TLL1: variants seen among roughly 807,000 people sequenced by gnomAD.
TLL1 encodes tolloid like 1, also known as tolloid-like protein 1.
TLL1 carries 49 observed loss-of-function variants against 128.2 expected under a neutral mutation model. That is an observed-to-expected ratio of 0.38 (90% CI 0.30 to 0.48). The LOEUF (loss-of-function observed/expected upper bound fraction) is 0.48. Among genes scored for constraint, TLL1 ranks in the 20% least tolerant of loss-of-function variants. The pLI, the probability that TLL1 is intolerant of heterozygous loss-of-function variation, is 0.96. For synonymous variants in TLL1, 454 were observed against 418.8 expected, an observed-to-expected ratio of 1.08 and a Z score of -1.03; for missense variants, 1,123 against 1,242.0, an observed-to-expected ratio of 0.90 and a Z score of 1.44.
intron 1 of TLL1, among the ~76,000 whole-genome samples, chr4:165,966,877 T>C (rs1201463494): frequency 1.3e-5 from 2 of 152,168 alleles, no homozygotes; most frequent in Admixed American, 1.3e-4. Context: ...ATTATCATTG[T>C]TAAGATCTTA....
intron 1 of TLL1, among the ~76,000 whole-genome samples, chr4:165,962,889 C>T (rs915359096): frequency 6.6e-6 from 1 of 151,366 alleles, no homozygotes; most frequent in African/African-American, 2.4e-5. Context: ...AACCATGTCT[C>T]CCTAAAAGTA....
At chr4:166,028,170 GCAGA>G in intron 9 of TLL1, among the ~76,000 whole-genome samples, 1 of 152,012 alleles carries the variant, frequency 6.6e-6, no homozygotes, top group Admixed American at 6.5e-5. Flanking sequence ...CTTTTCCAAA[GCAGA>G]CACTGAAGGC....
intron 1 of TLL1, among the ~76,000 whole-genome samples, chr4:165,892,315 T>A (rs77371132): frequency 0.045 from 6,826 of 152,270 alleles, 499 homozygotes; most frequent in African/African-American, 0.15. Context: ...CTCTAATAAC[T>A]TTCAGTTACA....
At chr4:165,942,209 G>A (rs75822643) in intron 1 of TLL1, among the ~76,000 whole-genome samples, 5,429 of 151,592 alleles carry the variant, frequency 0.036, 289 homozygotes, top group African/African-American at 0.12. Context: ...GCTGGAATAA[G>A]TGAGCCATTT....
chr4:166,085,500 T>C (rs1259034527), intron 18 of TLL1, among the ~76,000 whole-genome samples: 2 of 152,026 alleles, frequency 1.3e-5, no homozygotes, highest in African/African-American at 4.8e-5. Context: ...TGAAAGGATG[T>C]TGAATTTGCC....
At chr4:165,891,820 A>G (rs751216906) in intron 1 of TLL1, among the ~76,000 whole-genome samples, 1 of 152,152 alleles carries the variant, frequency 6.6e-6, no homozygotes, top group Non-Finnish European at 1.5e-5. Context: ...TCTTCTTCTG[A>G]GCCTTCCAAC....
chr4:165,992,670 G>T, intron 2 of TLL1, 134 bp from the exon 3 acceptor site: 1 of 786,390 alleles, frequency 1.3e-6, no homozygotes, highest in Non-Finnish European at 2.1e-6. Flanking sequence ...AAGATTCATG[G>T]ATATTCATAA....
intron 1 of TLL1, among the ~76,000 whole-genome samples, chr4:165,937,153 T>C (rs1733801325): frequency 6.6e-6 from 1 of 152,194 alleles, no homozygotes; most frequent in Non-Finnish European, 1.5e-5. Context: ...TTCTTCCTTA[T>C]TCATGCTCCA....
chr4:166,045,583 T>C (rs531519296), intron 12 of TLL1, among the ~76,000 whole-genome samples: 44 of 151,858 alleles, frequency 2.9e-4, no homozygotes, highest in Non-Finnish European at 5.9e-4. Flanking sequence ...AAAACCAGAG[T>C]GATGCTTTTA....
At chr4:165,958,612 C>G (rs1209211796) in intron 1 of TLL1, among the ~76,000 whole-genome samples, 1 of 144,572 alleles carries the variant, frequency 6.9e-6, no homozygotes, top group African/African-American at 2.7e-5. Context: ...TGGATATTAG[C>G]CCTTTGTCAG....
At chr4:165,941,947 A>T (rs1734030733) in intron 1 of TLL1, among the ~76,000 whole-genome samples, 1 of 151,946 alleles carries the variant, frequency 6.6e-6, no homozygotes, top group Non-Finnish European at 1.5e-5. Flanking sequence ...AAATGATTCA[A>T]TGTGTAAGGT....
chr4:166,017,241 C>T (rs550062331), intron 8 of TLL1, among the ~76,000 whole-genome samples: 12 of 152,294 alleles, frequency 7.9e-5, no homozygotes, highest in African/African-American at 2.9e-4. Context: ...CCTCCAGCTC[C>T]ATTCACATGG....
chr4:165,994,516 T>C lies in TLL1; in HGVS notation c.497T>C (p.Ile166Thr), dbSNP rs753893865. The C allele has an allele frequency of 3.7e-6, 6 of 1,614,006 alleles. No individual in the cohort carries two copies. The highest frequency in any genetic ancestry group is 1.7e-5 in the Admixed American group (1 of 60,006). Residue 166 changes from isoleucine to threonine, a missense_variant, in exon 4 of 21, where the codon ATA (isoleucine) becomes ACA (threonine). Ile to Thr is a moderately conservative substitution (Grantham distance 89, BLOSUM62 -1). Coordinates refer to ENST00000061240, the MANE Select transcript of TLL1 (RefSeq NM_012464.5). ...IWPGGVIPYV[I>T]GGNFTGSQRA... ...CCTGGAGGCGTTATTCCTTATGTTA[T>C]AGGAGGAAACTTCACTGGTAAGATA...
chr4:165,970,595 C>G (rs954187665), intron 1 of TLL1, among the ~76,000 whole-genome samples: 16 of 152,266 alleles, frequency 1.1e-4, no homozygotes, highest in Admixed American at 3.9e-4. Context: ...CCATGTAGGA[C>G]TGGACTCTAA....
chr4:166,059,991 T>C, intron 14 of TLL1, 37 bp from the exon 15 acceptor site: 2 of 1,611,922 alleles, frequency 1.2e-6, no homozygotes, highest in Non-Finnish European at 8.5e-7. Context: ...GGTGACTTCA[T>C]GGGGAGAATA....
intron 1 of TLL1, among the ~76,000 whole-genome samples, chr4:165,906,631 G>A (rs376388198): frequency 6.6e-6 from 1 of 152,110 alleles, no homozygotes; most frequent in African/African-American, 2.4e-5. Context: ...AAGGAGATAA[G>A]ATATATTTAA....
intron 1 of TLL1, among the ~76,000 whole-genome samples, chr4:165,930,228 G>A (rs965849049): frequency 2.6e-5 from 4 of 152,092 alleles, no homozygotes; most frequent in African/African-American, 4.8e-5. Context: ...GAGAGGAGGG[G>A]GAGGTATAAA....
At chr4:165,992,702 T>A in intron 2 of TLL1, 102 bp from the exon 3 acceptor site, 1 of 1,116,142 alleles carries the variant, frequency 9.0e-7, no homozygotes, top group East Asian at 2.4e-5. Context: ...TAAGACCACA[T>A]AAAAAATGAC....
At chr4:165,936,871 T>C (rs1733787468) in intron 1 of TLL1, among the ~76,000 whole-genome samples, 1 of 152,112 alleles carries the variant, frequency 6.6e-6, no homozygotes. Flanking sequence ...AGGCAGAGAT[T>C]GCCGTGAGCC....
Sources: allele counts gnomAD v4.1 joint callset (sites outside exome capture counted in the v4.1 genomes callset), GRCh38; gene constraint gnomAD v4.1.1; transcripts MANE v1.5; gene names NCBI Gene and HGNC (gene_info 2026-07-23, HGNC 2026-07-21).